CDYL: variants seen among roughly 807,000 people sequenced by gnomAD.
CDYL encodes chromodomain Y like, also known as chromodomain Y-like protein.
Under a neutral mutation model 47.3 loss-of-function variants are expected in CDYL, and 8 were observed. The ratio of observed to expected loss-of-function variants is 0.17; its 90% CI spans 0.10 to 0.31. The LOEUF is 0.31. CDYL is among the 10% of genes least tolerant of loss of function. CDYL has a pLI of 1.00. For synonymous variants in CDYL, 266 were observed against 265.0 expected, an observed-to-expected ratio of 1.00 and a Z score of -0.04; for missense variants, 471 against 701.4, an observed-to-expected ratio of 0.67 and a Z score of 3.71.
chr6:4,804,140 G>A (rs7768868), intron 1 of CDYL, among the ~76,000 whole-genome samples: 3,042 of 152,264 alleles, frequency 0.02, 49 homozygotes, highest in Non-Finnish European at 0.027. Flanking sequence ...GTGGACAGAA[G>A]TAAGAGGAAA....
intron 1 of CDYL, among the ~76,000 whole-genome samples, chr6:4,789,062 C>T (rs1758844438): frequency 6.6e-6 from 1 of 151,998 alleles, no homozygotes; most frequent in Admixed American, 6.6e-5. Context: ...GCAGAAGCTC[C>T]TGGTTTTCGT....
Position 4,954,303 on chromosome 6 carries a change from A to G in CDYL, c.*247A>G, listed in dbSNP as rs1033160728. On this transcript the variant is annotated 3_prime_UTR_variant, in exon 7 of 7. Coordinates refer to ENST00000397588, the MANE Select transcript of CDYL (RefSeq NM_004824.4). ...TTTATACTTATATACACGCAGGTGTAAAAGTATAAAGGTGAGCACTAGACT... is the reference window on the plus strand; with the variant it reads ...TTTATACTTATATACACGCAGGTGTGAAAGTATAAAGGTGAGCACTAGACT... The G allele has an allele frequency of 1.7e-5, 6 of 351,002 alleles. No individual in the cohort carries two copies. Among genetic ancestry groups the G allele is most frequent in the East Asian group, 4.9e-5 (1 of 20,432 alleles). The allele number at this position is 351,002 out of a possible 1,614,324, so 21.7% of individuals were successfully genotyped here.
intron 3 of CDYL, among the ~76,000 whole-genome samples, chr6:4,752,308 G>A (rs1186862750): frequency 6.6e-6 from 1 of 152,146 alleles, no homozygotes; most frequent in African/African-American, 2.4e-5. Context: ...GCAATGAGGG[G>A]GTTGTGAGTG....
At chr6:4,893,110 G>A (rs956927770) in intron 2 of CDYL, among the ~76,000 whole-genome samples, 1 of 152,232 alleles carries the variant, frequency 6.6e-6, no homozygotes, top group East Asian at 1.9e-4. Context: ...GAGGCCTCAT[G>A]ACTTCTCACC....
Position 4,900,774 on chromosome 6 carries a change from C to CGTGTGTGTGTGTGTGT in CDYL, c.691+8401_691+8402insGTGTGTGTGTGTGTGT, listed in dbSNP as rs368919776. On this transcript the variant is annotated intron_variant, in intron 2 of 6. Transcript: ENST00000397588. Reference sequence around the variant, plus strand: ...TTCATTCTTCTGTTAATTCCGTATACGTGTGTATATATATATATATATATA... The same window carrying CGTGTGTGTGTGTGTGT: ...TTCATTCTTCTGTTAATTCCGTATACGTGTGTGTGTGTGTGTGTGTGTATATATATATATATATATA... Among the ~76,000 whole-genome samples, 95 of 26,930 alleles carry CGTGTGTGTGTGTGTGT rather than the reference C, an allele frequency of 3.5e-3. 7 individuals are homozygous for CGTGTGTGTGTGTGTGT. The highest frequency in any genetic ancestry group is 0.014 in the African/African-American group (93 of 6,870). The allele number at this position is 26,930 out of a possible 152,430, so 17.7% of individuals were successfully genotyped here. A position where few individuals can be genotyped will look rare whatever the true frequency, so the allele number is the denominator to read the frequency against.
rs147763548 is a variant in CDYL, at chr6:4,791,340, G to C, written c.24+14533G>C. The stretch of plus-strand genomic sequence containing the variant: ...CGAAGACCTTTCATTTTGTGTGTGA[G>C]AAACCACTTTTGATTTACAATGTAT... On this transcript the variant is annotated intron_variant, in intron 1 of 6. Coordinates refer to ENST00000397588, the MANE Select transcript of CDYL (RefSeq NM_004824.4). Among the ~76,000 whole-genome samples, 642 of 152,324 alleles carry C rather than the reference G, an allele frequency of 4.2e-3. 2 individuals are homozygous for C. Among genetic ancestry groups the C allele is most frequent in the Non-Finnish European group, 6.7e-3 (456 of 68,026 alleles).
chr6:4,758,677 T>C (rs1758117379), intron 3 of CDYL, among the ~76,000 whole-genome samples: 1 of 151,844 alleles, frequency 6.6e-6, no homozygotes, highest in African/African-American at 2.4e-5. Flanking sequence ...AAACACTTTG[T>C]GTACCTGAAG....
chr6:4,734,739 A>G (rs1757671518), intron 2 of CDYL: 1 of 1,613,104 alleles, frequency 6.2e-7, no homozygotes, highest in South Asian at 1.1e-5. Flanking sequence ...TCTCTCAGAA[A>G]CTTTCTCATT....
intron 1 of CDYL, among the ~76,000 whole-genome samples, chr6:4,873,857 G>A (rs1026406250): frequency 2.0e-5 from 3 of 152,134 alleles, no homozygotes; most frequent in Non-Finnish European, 2.9e-5. Flanking sequence ...CTTCACATGC[G>A]CCGCAGCTGT....
intron 4 of CDYL, among the ~76,000 whole-genome samples, chr6:4,940,645 T>A (rs1446629889): frequency 6.6e-6 from 1 of 152,234 alleles, no homozygotes; most frequent in Non-Finnish European, 1.5e-5. Flanking sequence ...TTCTTTCAAG[T>A]TCATGGACAG....
chr6:4,853,315 G>A (rs1038804459), intron 1 of CDYL, among the ~76,000 whole-genome samples: 15 of 152,010 alleles, frequency 9.9e-5, no homozygotes, highest in Admixed American at 7.2e-4. Context: ...TATTTTTCCC[G>A]GTAAAATAGA....
chr6:4,944,684 T>C (rs978917863), intron 5 of CDYL, among the ~76,000 whole-genome samples: 1 of 152,192 alleles, frequency 6.6e-6, no homozygotes, highest in African/African-American at 2.4e-5. Flanking sequence ...AGGAAGAAGA[T>C]TAGGCAGCAA....
At chr6:4,887,793 C>T (rs1488862139) in intron 1 of CDYL, among the ~76,000 whole-genome samples, 1 of 151,556 alleles carries the variant, frequency 6.6e-6, no homozygotes, top group Non-Finnish European at 1.5e-5. Context: ...TTTAGTCTTT[C>T]AGTATTCTGT....
chr6:4,785,164 G>T (rs888077304), intron 1 of CDYL, among the ~76,000 whole-genome samples: 2 of 152,204 alleles, frequency 1.3e-5, no homozygotes, highest in African/African-American at 4.8e-5. Context: ...GAAGCAATAG[G>T]CTCTACCATA....
intron 1 of CDYL, among the ~76,000 whole-genome samples, chr6:4,850,575 A>C (rs548429572): frequency 1.1e-4 from 17 of 152,324 alleles, no homozygotes; most frequent in Admixed American, 4.6e-4. Flanking sequence ...TAAGAATGCT[A>C]CTGTATAGCC....
At chr6:4,903,241 G>C (rs146151941) in intron 2 of CDYL, among the ~76,000 whole-genome samples, 1 of 152,124 alleles carries the variant, frequency 6.6e-6, no homozygotes, top group Admixed American at 6.5e-5. Context: ...GTGCTCCTGC[G>C]CCATGTCCCT....
At chr6:4,752,919 G>T (rs568189512) in intron 3 of CDYL, among the ~76,000 whole-genome samples, 1 of 151,550 alleles carries the variant, frequency 6.6e-6, no homozygotes, top group East Asian at 2.0e-4. Context: ...TAGATAGATA[G>T]ATAGATTTTT....
At chr6:4,890,592 G>T (rs1420713995) in intron 1 of CDYL, among the ~76,000 whole-genome samples, 1 of 152,196 alleles carries the variant, frequency 6.6e-6, no homozygotes, top group Admixed American at 6.5e-5. Context: ...CAGAGAAAAT[G>T]ATGGGGATGG....
chr6:4,785,274 A>G (rs936703840), intron 1 of CDYL, among the ~76,000 whole-genome samples: 1 of 152,126 alleles, frequency 6.6e-6, no homozygotes, highest in Non-Finnish European at 1.5e-5. Flanking sequence ...ATTTCTGAGA[A>G]CATATCACTG....
Sources: allele counts gnomAD v4.1 joint callset (sites outside exome capture counted in the v4.1 genomes callset), GRCh38; gene constraint gnomAD v4.1.1; transcripts MANE v1.5; gene names NCBI Gene and HGNC (gene_info 2026-07-23, HGNC 2026-07-21).